The following TENM2 variants were observed in gnomAD, a reference collection of about 807,000 sequenced individuals.
The protein encoded by TENM2 is teneurin transmembrane protein 2.
Under a neutral mutation model 245.2 loss-of-function variants are expected in TENM2, and 52 were observed. That is an observed-to-expected ratio of 0.21 (90% CI 0.17 to 0.27). The LOEUF is 0.27. TENM2 is among the 10% of genes least tolerant of loss of function. The probability of loss-of-function intolerance (pLI) is 1.00; values close to 1 mark genes in which losing one functional copy is unlikely to be tolerated. For synonymous variants in TENM2, 1,363 were observed against 1,438.9 expected (o/e 0.95, Z 1.19); for missense variants, 3,046 against 3,666.8 (o/e 0.83, Z 4.37).
At chr5:168,090,218 C>CCACACA (rs3083413) in intron 7 of TENM2, among the ~76,000 whole-genome samples, 2,546 of 136,734 alleles carry the variant, frequency 0.019, 47 homozygotes, top group African/African-American at 0.033. Context: ...ACTCCCCCCA[C>CCACACA]CACACACACA....
intron 1 of TENM2, among the ~76,000 whole-genome samples, chr5:167,294,774 G>A (rs1754849961): frequency 6.6e-6 from 1 of 152,062 alleles, no homozygotes; most frequent in Non-Finnish European, 1.5e-5. Flanking sequence ...TCTGCCTTCT[G>A]TCTTACACCA....
At chr5:168,144,320 TC>T (rs1172750642) in intron 12 of TENM2, among the ~76,000 whole-genome samples, 2 of 151,976 alleles carry the variant, frequency 1.3e-5, no homozygotes, top group Non-Finnish European at 2.9e-5. Flanking sequence ...CCCGATGCTA[TC>T]CCTCCCCCCT....
At chr5:167,880,858 C>T (rs551013258) in intron 3 of TENM2, among the ~76,000 whole-genome samples, 3 of 152,320 alleles carry the variant, frequency 2.0e-5, no homozygotes, top group African/African-American at 7.2e-5. Context: ...GGCAATAGAC[C>T]TCAAATGTCA....
intron 4 of TENM2, among the ~76,000 whole-genome samples, chr5:167,974,108 A>G (rs1384064702): frequency 2.4e-3 from 2 of 838 alleles, no homozygotes; most frequent in Non-Finnish European, 3.7e-3. Flanking sequence ...GGAAGGGAGG[A>G]AAGGAGGGAG....
In TENM2 at chr5:167,875,830, C is replaced by A. The variant is rs530620505; in HGVS notation, c.503-156C>A. Among the ~76,000 whole-genome samples, 12 of 151,588 alleles carry A rather than the reference C, an allele frequency of 7.9e-5. No homozygotes were observed. The East Asian group carries it at 2.3e-3, about 29-fold the overall frequency. Reference sequence around the variant, plus strand: ...ATATGAATTTAGACTTTTGGAGAAACATCAAACCACTCTTTTAAAAAAGCA... The same window carrying A: ...ATATGAATTTAGACTTTTGGAGAAAAATCAAACCACTCTTTTAAAAAAGCA... On this transcript the variant is annotated intron_variant, in intron 2 of 28. Coordinates refer to ENST00000518659, the Ensembl canonical transcript of TENM2.
In TENM2 at chr5:167,881,729, T is replaced by G. The variant is rs79270538; in HGVS notation, c.712+5534T>G. ...TGCCTCTCTTCTGGACAGGTTCTTG[T>G]CCCACTGGGTAGTACAGGCTAAGTC... On this transcript the variant is annotated intron_variant, in intron 3 of 28. Coordinates refer to ENST00000518659, the Ensembl canonical transcript of TENM2. 8.3e-3 allele frequency among the ~76,000 whole-genome samples: 1,266 copies of G among 152,262 alleles called. 16 individuals are homozygous for G. The highest frequency in any genetic ancestry group is 0.029 in the African/African-American group (1,187 of 41,544).
chr5:167,567,094 C>T lies in TENM2; in HGVS notation c.502+191621C>T, dbSNP rs529763275. ...TTCAGAAAACTATTTATATCACAAACCTTTAATCACATTATATACTCATTG... is the reference window on the plus strand; with the variant it reads ...TTCAGAAAACTATTTATATCACAAATCTTTAATCACATTATATACTCATTG... On this transcript the variant is annotated intron_variant, in intron 2 of 28. Transcript: ENST00000518659. Among the ~76,000 whole-genome samples, 86 of 152,188 alleles carry T rather than the reference C, an allele frequency of 5.7e-4. 1 individual carries two copies. The highest frequency in any genetic ancestry group is 3.4e-3 in the Middle Eastern group (1 of 294).
At chr5:167,233,738 G>A in the TENM2 span, among the ~76,000 whole-genome samples, 6 of 152,062 alleles carry the variant, frequency 3.9e-5, no homozygotes, top group Non-Finnish European at 8.8e-5. Context: ...TTTTTATAGT[G>A]ACTCAACAAA....
At chr5:168,162,484 G>A (rs1757830208) in intron 12 of TENM2, 127 bp from the exon 15 acceptor site, 13 of 947,248 alleles carry the variant, frequency 1.4e-5, no homozygotes, top group Non-Finnish European at 1.9e-5. Flanking sequence ...TGGAAGGCAG[G>A]CGCGGGCCCC....
chr5:167,052,552 A>T, the TENM2 span, among the ~76,000 whole-genome samples: 1 of 152,160 alleles, frequency 6.6e-6, no homozygotes, highest in Non-Finnish European at 1.5e-5. Flanking sequence ...TGCTTTTAAG[A>T]GACACTTTGG....
At chr5:167,863,645 C>CAATA (rs1041829603) in intron 2 of TENM2, among the ~76,000 whole-genome samples, 2 of 151,866 alleles carry the variant, frequency 1.3e-5, no homozygotes, top group African/African-American at 2.4e-5. Context: ...CTCTGTGTCT[C>CAATA]AATAAATAAA....
intron 2 of TENM2, among the ~76,000 whole-genome samples, chr5:167,635,696 G>A (rs929262532): frequency 2.2e-5 from 3 of 134,072 alleles, no homozygotes; most frequent in Non-Finnish European, 4.6e-5. Context: ...CCAGGATGGA[G>A]TGCAATGGCG....
chr5:167,944,663 GGCT>G (rs1561964480), intron 3 of TENM2, among the ~76,000 whole-genome samples: 1 of 152,218 alleles, frequency 6.6e-6, no homozygotes, highest in African/African-American at 2.4e-5. Flanking sequence ...ATTTGCCAGA[GGCT>G]ATGGGAGGGA....
At chr5:167,931,152 G>A (rs1229341590) in intron 3 of TENM2, among the ~76,000 whole-genome samples, 1 of 152,164 alleles carries the variant, frequency 6.6e-6, no homozygotes, top group African/African-American at 2.4e-5. Context: ...AACAGCAAGA[G>A]GAACTTTTAA....
chr5:168,055,552 A>G (rs1442252010), intron 6 of TENM2, among the ~76,000 whole-genome samples: 1 of 152,162 alleles, frequency 6.6e-6, no homozygotes, highest in Non-Finnish European at 1.5e-5. Context: ...CTCACTGTAT[A>G]TTGATTTCAG....
chr5:167,594,981 T>C (rs529117135), intron 2 of TENM2, among the ~76,000 whole-genome samples: 1 of 152,320 alleles, frequency 6.6e-6, no homozygotes, highest in Admixed American at 6.5e-5. Context: ...TTTCCAAATC[T>C]TCTAATGGTC....
the TENM2 span, among the ~76,000 whole-genome samples, chr5:167,111,127 A>AATTCCTTTGAAGGAATGATTCTGTAAAC: frequency 6.6e-6 from 1 of 152,144 alleles, no homozygotes; most frequent in Admixed American, 6.6e-5. Flanking sequence ...TATTACTTTA[A>AATTCCTTTGAAGGAATGATTCTGTAAAC]ATTCCTTTGA....
intron 2 of TENM2, among the ~76,000 whole-genome samples, chr5:167,471,377 G>A (rs1193153173): frequency 6.6e-6 from 1 of 152,128 alleles, no homozygotes; most frequent in African/African-American, 2.4e-5. Flanking sequence ...ATAATCTGTA[G>A]CAGTTTTCTA....
chr5:168,070,486 G>A (rs1412625192), intron 7 of TENM2, among the ~76,000 whole-genome samples: 2 of 151,986 alleles, frequency 1.3e-5, no homozygotes, highest in Non-Finnish European at 2.9e-5. Flanking sequence ...TACTTATTTA[G>A]AAAGTAAACT....
Sources: gnomAD v4.1 joint callset for allele counts (sites outside exome capture counted in the v4.1 genomes callset) on GRCh38, gnomAD v4.1.1 for gene constraint, MANE v1.5 for transcripts, NCBI Gene and HGNC (gene_info 2026-07-23, HGNC 2026-07-21) for gene names.